Variants in TUBB8B observed in about 807,000 individuals in gnomAD.
TUBB8B encodes the protein tubulin beta 8B.
TUBB8B carries 26 observed loss-of-function variants against 31.9 expected under a neutral mutation model. The ratio of observed to expected loss-of-function variants is 0.81; its 90% CI spans 0.60 to 1.13. The LOEUF (loss-of-function observed/expected upper bound fraction) is 1.13, where lower values mean the gene tolerates loss of function less well. Among genes scored for constraint, TUBB8B ranks in the 50% most tolerant of loss-of-function variants. The pLI is 0.00. For missense variants in TUBB8B, 467 were observed against 586.7 expected (o/e 0.80, Z 2.11); for synonymous variants, 173 against 231.0 (o/e 0.75, Z 2.28).
the TUBB8B span, among the ~76,000 whole-genome samples, chr18:63,152 G>A: frequency 6.6e-6 from 1 of 151,610 alleles, no homozygotes; most frequent in Admixed American, 6.6e-5. Context: ...TAGCTTGTTT[G>A]GTGAGGTCAT....
the TUBB8B span, among the ~76,000 whole-genome samples, chr18:59,516 G>A: frequency 6.7e-6 from 1 of 150,108 alleles, no homozygotes; most frequent in South Asian, 2.1e-4. Context: ...TAGCATAATG[G>A]AAATGATTAT....
the TUBB8B span, among the ~76,000 whole-genome samples, chr18:64,650 G>A: frequency 4.0e-4 from 61 of 152,154 alleles, no homozygotes; most frequent in Non-Finnish European, 5.3e-4. Flanking sequence ...ATTTGAACCC[G>A]GGAGTCGGAG....
the TUBB8B span, among the ~76,000 whole-genome samples, chr18:61,058 A>T: frequency 6.6e-6 from 1 of 151,540 alleles, no homozygotes; most frequent in Non-Finnish European, 1.5e-5. Context: ...AGGGTGTTGA[A>T]GTGTCCAGCC....
chr18:65,828 T>A, the TUBB8B span, among the ~76,000 whole-genome samples: 2 of 152,156 alleles, frequency 1.3e-5, no homozygotes, highest in African/African-American at 2.4e-5. Context: ...CAAAACGTTA[T>A]TAAAACTAGT....
the TUBB8B span, among the ~76,000 whole-genome samples, chr18:57,830 G>A: frequency 6.6e-6 from 1 of 150,766 alleles, no homozygotes; most frequent in Non-Finnish European, 1.5e-5. Context: ...TGAAGTAAAG[G>A]TGGAGGCTCC....
At chr18:71,574 A>T in the TUBB8B span, among the ~76,000 whole-genome samples, 2 of 98,916 alleles carry the variant, frequency 2.0e-5, no homozygotes, top group African/African-American at 4.7e-5. Flanking sequence ...AAATTTAAAA[A>T]AAAAAAAAAA....
At position 47,398 on chromosome 18, in the gene TUBB8B, C is replaced by T. The variant is rs1905642714; in HGVS notation, c.1327G>A (p.Val443Met). The T allele has an allele frequency of 2.0e-6, 2 of 1,019,386 alleles. No individual in the cohort carries two copies. The highest frequency in any genetic ancestry group is 3.8e-5 in the Admixed American group (2 of 53,156). 63.1% of individuals were successfully genotyped at this position (1,019,386 alleles called of 1,614,324 possible). A position where few individuals can be genotyped will look rare whatever the true frequency, so the allele number is the denominator to read the frequency against. Residue 443 changes from valine to methionine, a missense_variant, in exon 4 of 4, where the codon GTG (valine) becomes ATG (methionine). Transcript: ENST00000308911. The part of the protein sequence containing the change: ...EEDEEYAEEE[V>M]A The stretch of plus-strand genomic sequence containing the variant: ...CCTAGAAAAGGAGAGTTCTAGGCCA[C>T]CTCCTCCTCGGCATACTCCTCATCC...
the TUBB8B span, among the ~76,000 whole-genome samples, chr18:58,463 G>A: frequency 6.6e-6 from 1 of 151,550 alleles, no homozygotes; most frequent in Admixed American, 6.6e-5. Context: ...TAACCCTAGG[G>A]CATAACAGAA....
At chr18:50,995 C>G (rs1906079020), upstream of TUBB8B, among the ~76,000 whole-genome samples, 2 of 151,832 alleles carry the variant, frequency 1.3e-5, no homozygotes, top group African/African-American at 4.8e-5. Flanking sequence ...AAGCATGAAG[C>G]ACTAAAAAAT....
chr18:73,223 G>C, the TUBB8B span: 1 of 155,112 alleles, frequency 6.4e-6, no homozygotes, highest in East Asian at 1.9e-4. Flanking sequence ...CTTGCACAAA[G>C]TGAAGCCCAG....
At chr18:67,489 T>C in the TUBB8B span, among the ~76,000 whole-genome samples, 1 of 152,294 alleles carries the variant, frequency 6.6e-6, no homozygotes, top group South Asian at 2.1e-4. Context: ...TACATATGTG[T>C]GCAAGCACAA....
the TUBB8B span, among the ~76,000 whole-genome samples, chr18:63,507 C>A: frequency 6.6e-6 from 1 of 150,722 alleles, no homozygotes; most frequent in African/African-American, 2.4e-5. Flanking sequence ...TCCCTGAGGC[C>A]ATCACCACTG....
chr18:59,537 T>C, the TUBB8B span, among the ~76,000 whole-genome samples: 1 of 143,198 alleles, frequency 7.0e-6, no homozygotes, highest in Non-Finnish European at 1.5e-5. Flanking sequence ...ATGGATTTTG[T>C]CCTTCATTCT....
the TUBB8B span, among the ~76,000 whole-genome samples, chr18:69,389 G>A: frequency 6.6e-5 from 10 of 152,318 alleles, no homozygotes; most frequent in East Asian, 3.9e-4. Flanking sequence ...GCTTGAGCCC[G>A]GGAGGATGCA....
At chr18:67,212 G>A in the TUBB8B span, among the ~76,000 whole-genome samples, 1 of 152,150 alleles carries the variant, frequency 6.6e-6, no homozygotes, top group Non-Finnish European at 1.5e-5. Context: ...AGCCAGGATG[G>A]TATCGATCTC....
the TUBB8B span, among the ~76,000 whole-genome samples, chr18:62,487 C>T: frequency 1.1e-4 from 17 of 148,926 alleles, no homozygotes; most frequent in Middle Eastern, 3.5e-3. Context: ...GGCGTGATCT[C>T]GGCTCACTGG....
the TUBB8B span, among the ~76,000 whole-genome samples, chr18:68,494 G>A: frequency 2.9e-4 from 44 of 152,228 alleles, no homozygotes; most frequent in African/African-American, 8.9e-4. Context: ...GTTTCACAAC[G>A]TTGGCAGATA....
At chr18:59,048 A>G in the TUBB8B span, among the ~76,000 whole-genome samples, 1 of 151,830 alleles carries the variant, frequency 6.6e-6, no homozygotes, top group East Asian at 1.9e-4. Context: ...TGAAGATAGT[A>G]CCAAGTGGGA....
At chr18:60,686 T>G in the TUBB8B span, among the ~76,000 whole-genome samples, 28 of 151,908 alleles carry the variant, frequency 1.8e-4, 1 homozygote, top group South Asian at 5.6e-3. Flanking sequence ...TTCAAGAAAT[T>G]TTTCCATTTT....
Sources: gnomAD v4.1 joint callset for allele counts (sites outside exome capture counted in the v4.1 genomes callset) on GRCh38, gnomAD v4.1.1 for gene constraint, MANE v1.5 for transcripts, NCBI Gene and HGNC (gene_info 2026-07-23, HGNC 2026-07-21) for gene names.